The following HTR7 variants were observed in gnomAD, a reference collection of about 807,000 sequenced individuals.
HTR7 encodes the protein 5-HT-7.
HTR7 carries 16 observed loss-of-function variants against 34.0 expected under a neutral mutation model. That is an observed-to-expected ratio of 0.47 (90% CI 0.32 to 0.71). The LOEUF is 0.71. Ranked by LOEUF, HTR7 falls within the 30% of genes least tolerant of loss-of-function variation. The pLI, the probability that HTR7 is intolerant of heterozygous loss-of-function variation, is 0.04. For synonymous variants in HTR7, 265 were observed against 260.2 expected, an observed-to-expected ratio of 1.02 and a Z score of -0.18; for missense variants, 504 against 625.5, an observed-to-expected ratio of 0.81 and a Z score of 2.07.
chr10:90,747,946 T>C (rs1412128673), intron 2 of HTR7, among the ~76,000 whole-genome samples: 3 of 152,224 alleles, frequency 2.0e-5, no homozygotes, highest in Admixed American at 6.5e-5. Context: ...ATCTCTTTCC[T>C]TCTTTACAAT....
intron 1 of HTR7, among the ~76,000 whole-genome samples, chr10:90,848,930 T>G (rs1846452971): frequency 1.3e-5 from 2 of 152,192 alleles, no homozygotes; most frequent in Admixed American, 1.3e-4. Context: ...AGGTTTCTGA[T>G]TTGGTAAGGT....
chr10:90,785,387 T>G (rs374705075), intron 1 of HTR7, among the ~76,000 whole-genome samples: 13 of 151,826 alleles, frequency 8.6e-5, no homozygotes, highest in African/African-American at 3.1e-4. Context: ...ATTAAAGAAG[T>G]GGCAGAGACA....
chr10:90,852,021 C>T (rs1216781920), intron 1 of HTR7, among the ~76,000 whole-genome samples: 1 of 151,966 alleles, frequency 6.6e-6, no homozygotes, highest in Non-Finnish European at 1.5e-5. Context: ...GTCTTGGGTA[C>T]GTCTTTATTA....
chr10:90,745,780 C>T (rs1271587747), intron 2 of HTR7, among the ~76,000 whole-genome samples: 5 of 152,168 alleles, frequency 3.3e-5, no homozygotes, highest in Admixed American at 1.3e-4. Flanking sequence ...TATTGGTACA[C>T]GGGCCTATCT....
intron 1 of HTR7, among the ~76,000 whole-genome samples, chr10:90,803,406 T>C (rs1845659252): frequency 6.6e-6 from 1 of 152,182 alleles, no homozygotes; most frequent in Non-Finnish European, 1.5e-5. Context: ...ACTGGAGTTG[T>C]ACACATCTCA....
At chr10:90,830,527 C>T (rs1846151122) in intron 1 of HTR7, among the ~76,000 whole-genome samples, 1 of 152,146 alleles carries the variant, frequency 6.6e-6, no homozygotes, top group African/African-American at 2.4e-5. Context: ...TGGCTCACGC[C>T]TGTAATTCTA....
intron 1 of HTR7, among the ~76,000 whole-genome samples, chr10:90,811,646 G>T (rs1341421184): frequency 6.6e-6 from 1 of 152,012 alleles, no homozygotes; most frequent in Non-Finnish European, 1.5e-5. Context: ...CATCTGCTAT[G>T]CTACTACTCC....
At chr10:90,851,735 C>T (rs1362002110) in intron 1 of HTR7, among the ~76,000 whole-genome samples, 3 of 152,090 alleles carry the variant, frequency 2.0e-5, no homozygotes, top group Non-Finnish European at 4.4e-5. Context: ...CAAATCTCAC[C>T]TTGAATTGTA....
chr10:90,820,549 A>G (rs1845963330), intron 1 of HTR7, among the ~76,000 whole-genome samples: 1 of 152,208 alleles, frequency 6.6e-6, no homozygotes, highest in Admixed American at 6.5e-5. Flanking sequence ...AGAACTAAAA[A>G]TGAGTTTTAT....
chr10:90,785,285 A>C (rs1475038221), intron 1 of HTR7, among the ~76,000 whole-genome samples: 1 of 152,198 alleles, frequency 6.6e-6, no homozygotes, highest in African/African-American at 2.4e-5. Flanking sequence ...CCGTAGCAAA[A>C]ACTGTACCTG....
intron 1 of HTR7, among the ~76,000 whole-genome samples, chr10:90,776,435 A>G (rs943915821): frequency 6.6e-6 from 1 of 152,230 alleles, no homozygotes; most frequent in Non-Finnish European, 1.5e-5. Context: ...TTATTTGAGA[A>G]AGCAGCAGGT....
chr10:90,837,506 AGCTCTCTG>A (rs1335371573), intron 1 of HTR7, among the ~76,000 whole-genome samples: 5 of 152,190 alleles, frequency 3.3e-5, no homozygotes, highest in African/African-American at 9.7e-5. Flanking sequence ...CTCTCTCTCT[AGCTCTCTG>A]GCTCTTGCCC....
At chr10:90,796,988 G>C (rs1370177265) in intron 1 of HTR7, among the ~76,000 whole-genome samples, 1 of 151,374 alleles carries the variant, frequency 6.6e-6, no homozygotes, top group East Asian at 1.9e-4. Flanking sequence ...CTCCAGCCTG[G>C]GCGACAAAGC....
intron 1 of HTR7, among the ~76,000 whole-genome samples, chr10:90,762,513 C>CTTTAAATAT (rs1844957084): frequency 6.6e-6 from 1 of 152,058 alleles, no homozygotes; most frequent in South Asian, 2.1e-4. Context: ...GATATGGGTT[C>CTTTAAATAT]TTTAAATATT....
chr10:90,771,860 G>A (rs753917546), intron 1 of HTR7, among the ~76,000 whole-genome samples: 3 of 152,034 alleles, frequency 2.0e-5, no homozygotes, highest in Non-Finnish European at 4.4e-5. Context: ...CCAGACAGAG[G>A]TTTCCAGCCA....
rs1846626093 is a variant in HTR7 at position 90,857,971 on chromosome 10, C to A, written c.-300G>T. On this transcript the variant is annotated 5_prime_UTR_variant, in exon 1 of 4. Transcript: ENST00000336152. The surrounding 1 kb of genome is among the most constrained non-coding windows in gnomAD (Gnocchi z 6.5). ...TCGGGCTGGGCTCCGCTGGCAGCTC[C>A]ACAGTTCGCAGCAGCAGCTCGGCTG... 6.6e-6 allele frequency among the ~76,000 whole-genome samples: 1 copy of A among 151,030 alleles called. No individual in the cohort carries two copies. Among genetic ancestry groups the A allele is most frequent in the Admixed American group, 6.6e-5 (1 of 15,164 alleles).
chr10:90,804,996 T>G (rs908991896), intron 1 of HTR7, among the ~76,000 whole-genome samples: 1 of 152,348 alleles, frequency 6.6e-6, no homozygotes, highest in South Asian at 2.1e-4. Flanking sequence ...CCAAGAGTTG[T>G]AAGCAGACAG....
rs1214321860 is a variant in HTR7 at position 90,857,616 on chromosome 10, A to C, written c.56T>G (p.Phe19Cys). The part of the protein sequence containing the change: ...RPDLYGHLRS[F>C]LLPEVGRGLP... ...CCCGCGCCCCACTTCTGGCAGAAGGAAAGAGCGGAGGTGCCCGTAGAGGTC... is the reference window on the plus strand; with the variant it reads ...CCCGCGCCCCACTTCTGGCAGAAGGCAAGAGCGGAGGTGCCCGTAGAGGTC... The change falls in exon 1 of 4, where the codon TTC becomes TGC. Residue 19 changes from phenylalanine (F) to cysteine (C), a missense_variant. Phe to Cys is a radical substitution (Grantham distance 205). Around this residue, in one of 4 missense-constraint regions of HTR7, gnomAD observed 139 missense variants for 117.1 expected, o/e 1.19. Transcript: ENST00000336152. The surrounding 1 kb of genome is among the most constrained non-coding windows in gnomAD (Gnocchi z 6.5). The C allele has an allele frequency of 6.3e-7, 1 of 1,599,742 alleles. No homozygotes were observed. The highest frequency in any genetic ancestry group is 8.5e-7 in the Non-Finnish European group (1 of 1,175,596).
chr10:90,769,689 G>T (rs1274893274), intron 1 of HTR7, among the ~76,000 whole-genome samples: 3 of 151,906 alleles, frequency 2.0e-5, no homozygotes, highest in South Asian at 2.1e-4. Flanking sequence ...ATGAACAAAA[G>T]AATTTTTAGA....
Sources: gnomAD v4.1 joint callset for allele counts (sites outside exome capture counted in the v4.1 genomes callset) on GRCh38, gnomAD v4.1.1 for gene constraint, gnomAD v4.1.1 regional missense constraint, Gnocchi (gnomAD v3.1) non-coding constraint, MANE v1.5 for transcripts, NCBI Gene and HGNC (gene_info 2026-07-23, HGNC 2026-07-21) for gene names.